Variants in GABRG3 observed in about 807,000 individuals in gnomAD.
GABRG3 encodes the protein gamma-aminobutyric acid type A receptor subunit gamma3.
A neutral mutation model predicts 48.8 loss-of-function variants in GABRG3; 25 were observed. That is an observed-to-expected ratio of 0.51 (90% CI 0.37 to 0.72). GABRG3 has a LOEUF of 0.72. Ranked by LOEUF, GABRG3 falls within the 30% of genes least tolerant of loss-of-function variation. The pLI, the probability that GABRG3 is intolerant of heterozygous loss-of-function variation, is 0.00. For missense variants in GABRG3, 394 were observed against 577.9 expected, an observed-to-expected ratio of 0.68 and a Z score of 3.26; for synonymous variants, 227 against 217.6, an observed-to-expected ratio of 1.04 and a Z score of -0.38.
intron 3 of GABRG3, among the ~76,000 whole-genome samples, chr15:27,209,786 C>T (rs1435893608): frequency 1.3e-5 from 2 of 152,226 alleles, no homozygotes; most frequent in Non-Finnish European, 2.9e-5. Flanking sequence ...TCTCCTGTTT[C>T]ACAGTGCTGG....
intron 3 of GABRG3, among the ~76,000 whole-genome samples, chr15:27,035,510 T>C (rs1896161228): frequency 6.6e-6 from 1 of 151,758 alleles, no homozygotes; most frequent in South Asian, 2.1e-4. Flanking sequence ...AGCTACATAA[T>C]GTCCCTCTGA....
chr15:27,093,171 A>T (rs1208923911), intron 3 of GABRG3, among the ~76,000 whole-genome samples: 1 of 152,054 alleles, frequency 6.6e-6, no homozygotes, highest in East Asian at 1.9e-4. Context: ...GGGAGTGTAA[A>T]AATGAGAACG....
In GABRG3 at chr15:27,097,503, CTTTCTCTTTTTCTTTCTTCT is replaced by C. The variant is rs542019107; in HGVS notation, c.270+70684_270+70703del. The stretch of plus-strand genomic sequence containing the variant: ...CCTCCTTTACTTCCTTTGTTTTTCT[CTTTCTCTTTTTCTTTCTTCT>C]TGTCTCTCCTTCCTTTTTCCAACCA... On this transcript the variant is annotated intron_variant, in intron 3 of 9. Transcript: ENST00000615808. 7.2e-5 allele frequency among the ~76,000 whole-genome samples: 11 copies of C among 152,148 alleles called. 1 individual carries two copies. In the East Asian group the frequency reaches 2.1e-3, roughly 29 times the overall value.
intron 3 of GABRG3, among the ~76,000 whole-genome samples, chr15:27,288,331 A>G (rs1039879856): frequency 4.6e-5 from 7 of 152,054 alleles, no homozygotes; most frequent in African/African-American, 1.5e-4. Flanking sequence ...TTATATTGTA[A>G]TATATAATGA....
chr15:27,052,373 G>C (rs530713187), intron 3 of GABRG3, among the ~76,000 whole-genome samples: 1 of 152,346 alleles, frequency 6.6e-6, no homozygotes, highest in South Asian at 2.1e-4. Context: ...ACCATAGCCA[G>C]TGGCCAGTGG....
At chr15:27,127,663 T>C (rs1413978159) in intron 3 of GABRG3, among the ~76,000 whole-genome samples, 1 of 152,216 alleles carries the variant, frequency 6.6e-6, no homozygotes, top group Admixed American at 6.5e-5. Context: ...CAACACGTGC[T>C]TAAGCAGTGT....
intron 5 of GABRG3, among the ~76,000 whole-genome samples, chr15:27,359,882 C>G (rs927138965): frequency 7.2e-5 from 11 of 152,166 alleles, no homozygotes; most frequent in African/African-American, 2.7e-4. Flanking sequence ...TGATTTAGTT[C>G]TGATACACAT....
intron 3 of GABRG3, among the ~76,000 whole-genome samples, chr15:27,105,315 GT>G (rs1297228299): frequency 1.3e-5 from 2 of 152,036 alleles, no homozygotes; most frequent in African/African-American, 2.4e-5. Context: ...AAGAAGAAAT[GT>G]ATAAATCTAT....
chr15:27,496,721 G>A (rs1281435351), intron 6 of GABRG3, among the ~76,000 whole-genome samples: 1 of 152,142 alleles, frequency 6.6e-6, no homozygotes, highest in East Asian at 1.9e-4. Flanking sequence ...GTATGCTTGG[G>A]TATCATAATA....
intron 5 of GABRG3, among the ~76,000 whole-genome samples, chr15:27,431,037 A>AATC (rs2140622951): frequency 6.8e-6 from 1 of 147,518 alleles, no homozygotes; most frequent in East Asian, 2.0e-4. Context: ...ATAAATAAAT[A>AATC]AATCAGTAGT....
At chr15:27,050,101 T>C (rs1441681026) in intron 3 of GABRG3, among the ~76,000 whole-genome samples, 1 of 152,224 alleles carries the variant, frequency 6.6e-6, no homozygotes, top group Non-Finnish European at 1.5e-5. Context: ...TAATCTCTGG[T>C]ACATCCCGTT....
chr15:27,388,198 A>AAGGAAGGAAGGAAAGG (rs1262193658), intron 5 of GABRG3, among the ~76,000 whole-genome samples: 4 of 77,800 alleles, frequency 5.1e-5, no homozygotes, highest in Non-Finnish European at 9.5e-5. Flanking sequence ...GAGGGTAAGG[A>AAGGAAGGAAGGAAAGG]AGGAAGGAAG....
At chr15:27,468,922 G>T (rs754147636) in intron 5 of GABRG3, among the ~76,000 whole-genome samples, 1 of 152,208 alleles carries the variant, frequency 6.6e-6, no homozygotes, top group Non-Finnish European at 1.5e-5. Flanking sequence ...TAGTATTGCT[G>T]TTGCACCTCA....
At chr15:27,492,932 T>TA (rs1189567987) in intron 6 of GABRG3, among the ~76,000 whole-genome samples, 1 of 94,966 alleles carries the variant, frequency 1.1e-5, no homozygotes, top group Non-Finnish European at 2.1e-5. Flanking sequence ...TAATGTTAGG[T>TA]AAAAATAGTT....
intron 3 of GABRG3, among the ~76,000 whole-genome samples, chr15:27,199,498 C>T (rs543185483): frequency 6.6e-6 from 1 of 152,200 alleles, no homozygotes; most frequent in African/African-American, 2.4e-5. Context: ...CCAGGGGCCT[C>T]GTCAGAGGTG....
chr15:27,022,660 C>T (rs1006003006), intron 2 of GABRG3, among the ~76,000 whole-genome samples: 3 of 152,196 alleles, frequency 2.0e-5, no homozygotes, highest in African/African-American at 2.4e-5. Context: ...CTGCTCACCC[C>T]TAGTTTTTGG....
At chr15:27,430,193 A>G (rs528825793) in intron 5 of GABRG3, among the ~76,000 whole-genome samples, 2 of 152,306 alleles carry the variant, frequency 1.3e-5, no homozygotes, top group East Asian at 3.9e-4. Context: ...GGCCATTCAT[A>G]TATATCCTTT....
At chr15:27,463,234 T>C (rs1321738946) in intron 5 of GABRG3, among the ~76,000 whole-genome samples, 1 of 152,146 alleles carries the variant, frequency 6.6e-6, no homozygotes, top group East Asian at 1.9e-4. Context: ...AAAGCAAACA[T>C]ATGTTCTAAG....
chr15:27,073,828 G>A (rs1199076031), intron 3 of GABRG3, among the ~76,000 whole-genome samples: 1 of 152,224 alleles, frequency 6.6e-6, no homozygotes, highest in Admixed American at 6.5e-5. Flanking sequence ...AGGCTCAACT[G>A]AGGAAGGATC....
Sources: allele counts gnomAD v4.1 joint callset (sites outside exome capture counted in the v4.1 genomes callset), GRCh38; gene constraint gnomAD v4.1.1; transcripts MANE v1.5; gene names NCBI Gene and HGNC (gene_info 2026-07-23, HGNC 2026-07-21).